The following MGAT5 variants were observed in gnomAD, a reference collection of about 807,000 sequenced individuals.
MGAT5 encodes the protein alpha-1,6-mannosylglycoprotein 6-beta-N-acetylglucosaminyltransferase A.
In MGAT5, 30 loss-of-function variants were observed where a neutral mutation model predicts 94.3. The observed-to-expected ratio is 0.32, with a 90% confidence interval of 0.24 to 0.43. MGAT5 has a LOEUF of 0.43. Ranked by LOEUF, MGAT5 falls within the 20% of genes least tolerant of loss-of-function variation. MGAT5 has a pLI of 1.00. For missense variants in MGAT5, 691 were observed against 905.5 expected (o/e 0.76, Z 3.04); for synonymous variants, 310 against 322.9 (o/e 0.96, Z 0.43).
chr2:134,180,531 T>A (rs947971429), intron 1 of MGAT5, among the ~76,000 whole-genome samples: 1 of 152,174 alleles, frequency 6.6e-6, no homozygotes, highest in Non-Finnish European at 1.5e-5. Flanking sequence ...AAATAAAAAC[T>A]GAGGTCTTGG....
intron 1 of MGAT5, among the ~76,000 whole-genome samples, chr2:134,170,592 T>TTATACAG (rs1245994208): frequency 3.9e-5 from 6 of 152,204 alleles, no homozygotes; most frequent in South Asian, 4.1e-4. Flanking sequence ...TTTCAGATGA[T>TTATACAG]TATACAGTAT....
intron 1 of MGAT5, among the ~76,000 whole-genome samples, chr2:134,126,011 C>T (rs1451738434): frequency 6.6e-6 from 1 of 152,180 alleles, no homozygotes; most frequent in Non-Finnish European, 1.5e-5. Flanking sequence ...CAGGACCATT[C>T]CTTAACATTT....
chr2:134,412,828 G>A (rs373939297), intron 11 of MGAT5, 41 bp from the exon 12 acceptor site: 1 of 1,610,738 alleles, frequency 6.2e-7, no homozygotes, highest in Non-Finnish European at 8.5e-7. Context: ...TGATGGTCCT[G>A]CCTGATGTGT....
chr2:134,302,784 TTCTTCTGACGAGATG>T (rs1686106056), intron 2 of MGAT5, among the ~76,000 whole-genome samples: 2 of 150,144 alleles, frequency 1.3e-5, no homozygotes, highest in South Asian at 4.3e-4. Context: ...TCCAGCCTCC[TTCTTCTGACGAGATG>T]TCAGGTGACA....
chr2:134,414,155 G>T (rs934463624), intron 12 of MGAT5, among the ~76,000 whole-genome samples: 8 of 137,696 alleles, frequency 5.8e-5, no homozygotes, highest in African/African-American at 2.3e-4. Context: ...GTGTGTGTGT[G>T]TGTGGTTTTT....
intron 1 of MGAT5, among the ~76,000 whole-genome samples, chr2:134,159,188 C>CATGTGTGT (rs1553486176): frequency 6.9e-6 from 1 of 144,010 alleles, no homozygotes; most frequent in Non-Finnish European, 1.5e-5. Context: ...GGTCTAAATT[C>CATGTGTGT]GTGTGTGTGT....
chr2:134,241,590 G>T (rs937900119), intron 1 of MGAT5, among the ~76,000 whole-genome samples: 2 of 152,140 alleles, frequency 1.3e-5, no homozygotes. Context: ...ATGGGCAAAT[G>T]GTAATTTGCC....
intron 2 of MGAT5, among the ~76,000 whole-genome samples, chr2:134,316,005 C>T (rs1307500691): frequency 1.3e-5 from 2 of 152,138 alleles, no homozygotes; most frequent in Admixed American, 6.6e-5. Flanking sequence ...TTCAATACCC[C>T]TGTGAAATAA....
In MGAT5 at chr2:134,338,343, C is replaced by A; in HGVS notation, c.730C>A (p.Arg244=). Residue 244 remains arginine, a synonymous_variant, in exon 6 of 16, where the codon CGA becomes AGA. Transcript: ENST00000281923. ...EFRWMRLRIR[R]MADAWIQAIK... is the part of the protein sequence containing the mutation. ...CCGGTGGATGAGACTACGGATCCGG[C>A]GAATGGCTGACGCATGGATCCAAGC... The A allele has an allele frequency of 1.2e-6, 2 of 1,612,848 alleles. No individual in the cohort carries two copies. Among genetic ancestry groups the A allele is most frequent in the South Asian group, 1.1e-5 (1 of 90,954 alleles).
chr2:134,381,390 A>ATAGATAAGATAAGATAAGATAGAT (rs1681573485), intron 10 of MGAT5, among the ~76,000 whole-genome samples: 3 of 117,480 alleles, frequency 2.6e-5, no homozygotes, highest in East Asian at 2.7e-4. Context: ...GATTAGATAG[A>ATAGATAAGATAAGATAAGATAGAT]TAGATAGATA....
chr2:134,407,907 C>T (rs1683432356), intron 11 of MGAT5, among the ~76,000 whole-genome samples: 1 of 152,166 alleles, frequency 6.6e-6, no homozygotes, highest in South Asian at 2.1e-4. Flanking sequence ...CTGTCAGTCA[C>T]AGTTTAACAC....
chr2:134,169,742 T>A lies in MGAT5; in HGVS notation c.-143+49451T>A, dbSNP rs1244446346. Among the ~76,000 whole-genome samples the A allele has an allele frequency of 2.0e-5, 3 of 152,192 alleles. 1 individual carries two copies. The highest frequency in any genetic ancestry group is 1.3e-4 in the Admixed American group (2 of 15,268). Reference sequence around the variant, plus strand: ...GTACTTGGCTCTGCAGGAAATGATATTTAAGATTAGTTGAAAAAAAGGTTT... The same window carrying A: ...GTACTTGGCTCTGCAGGAAATGATAATTAAGATTAGTTGAAAAAAAGGTTT... On this transcript the variant is annotated intron_variant, in intron 1 of 16. Transcript: ENST00000409645.
intron 14 of MGAT5, 42 bp from the exon 15 acceptor site, chr2:134,441,716 G>A (rs1292819031): frequency 6.3e-7 from 1 of 1,581,526 alleles, no homozygotes; most frequent in East Asian, 2.3e-5. Context: ...ATCCCCAGCT[G>A]TATCCTTGGA....
At chr2:134,339,936 G>T (rs1688535424) in intron 6 of MGAT5, among the ~76,000 whole-genome samples, 2 of 152,188 alleles carry the variant, frequency 1.3e-5, no homozygotes, top group South Asian at 4.1e-4. Context: ...CATGTAATAT[G>T]TGGTAGCATT....
At chr2:134,290,084 G>A (rs1685252181) in intron 2 of MGAT5, among the ~76,000 whole-genome samples, 1 of 152,170 alleles carries the variant, frequency 6.6e-6, no homozygotes, top group African/African-American at 2.4e-5. Context: ...TCTCAGAGCT[G>A]GAGAGCTTTC....
chr2:134,306,185 A>G (rs1573753661), intron 2 of MGAT5, among the ~76,000 whole-genome samples: 1 of 152,202 alleles, frequency 6.6e-6, no homozygotes, highest in African/African-American at 2.4e-5. Context: ...ATCATTACTT[A>G]AAATACTAAG....
intron 1 of MGAT5, among the ~76,000 whole-genome samples, chr2:134,261,257 A>G (rs1331171532): frequency 6.6e-6 from 1 of 152,182 alleles, no homozygotes; most frequent in Non-Finnish European, 1.5e-5. Context: ...TCAAACGATG[A>G]GGCTTAGAAT....
At chr2:134,161,489 A>G (rs1687729898) in intron 1 of MGAT5, among the ~76,000 whole-genome samples, 1 of 152,146 alleles carries the variant, frequency 6.6e-6, no homozygotes, top group South Asian at 2.1e-4. Flanking sequence ...AGGATCTCCC[A>G]GGGCCCTGGA....
At chr2:134,173,016 G>A (rs139815404) in intron 1 of MGAT5, among the ~76,000 whole-genome samples, 1 of 152,254 alleles carries the variant, frequency 6.6e-6, no homozygotes, top group East Asian at 1.9e-4. Flanking sequence ...CTAGGAAATC[G>A]TGTGACCACA....
Sources: gnomAD v4.1 joint callset for allele counts (sites outside exome capture counted in the v4.1 genomes callset) on GRCh38, gnomAD v4.1.1 for gene constraint, MANE v1.5 for transcripts, NCBI Gene and HGNC (gene_info 2026-07-23, HGNC 2026-07-21) for gene names.